The following CACNG7 variants were observed in gnomAD, a reference collection of about 807,000 sequenced individuals.
CACNG7 encodes calcium voltage-gated channel auxiliary subunit gamma 7.
CACNG7 carries 9 observed loss-of-function variants against 26.3 expected under a neutral mutation model. That is an observed-to-expected ratio of 0.34 (90% CI 0.21 to 0.60). CACNG7 has a LOEUF of 0.60. Ranked by LOEUF, CACNG7 falls within the 20% of genes least tolerant of loss-of-function variation. The pLI, the probability that CACNG7 is intolerant of heterozygous loss-of-function variation, is 0.81. For synonymous variants in CACNG7, 170 were observed against 157.0 expected (o/e 1.08, Z -0.62); for missense variants, 297 against 380.4 (o/e 0.78, Z 1.82).
At position 53,940,039 on chromosome 19, in the gene CACNG7, T is replaced by C. The variant is rs2069127940; in HGVS notation, c.425-1431T>C. On this transcript the variant is annotated intron_variant, in intron 4 of 5. Coordinates refer to ENST00000391767, the MANE Select transcript of CACNG7 (RefSeq NM_031896.5). This position sits in a 1 kb window ranked among gnomAD's most constrained non-coding sequence, Gnocchi z 4.1. The stretch of plus-strand genomic sequence containing the variant: ...GACAGTGGAAGGAATTTGGGCTTAT[T>C]CTGTGTGTGGCACACAGAATGTAGG... 6.6e-6 allele frequency among the ~76,000 whole-genome samples: 1 copy of C among 152,168 alleles called. No homozygotes were observed. Among genetic ancestry groups the C allele is most frequent in the Admixed American group, 6.5e-5 (1 of 15,268 alleles).
chr19:53,935,782 A>C lies in CACNG7; in HGVS notation c.425-5688A>C, dbSNP rs2069101598. On this transcript the variant is annotated intron_variant, in intron 4 of 5. Coordinates refer to ENST00000391767, the MANE Select transcript of CACNG7 (RefSeq NM_031896.5). ...CAGCCTCCCAAGTAGCTGGGATTACAGGCACCCACCACCATGCCCAGCTAA... is the reference window on the plus strand; with the variant it reads ...CAGCCTCCCAAGTAGCTGGGATTACCGGCACCCACCACCATGCCCAGCTAA... Among the ~76,000 whole-genome samples, 6 of 151,404 alleles carry C rather than the reference A, an allele frequency of 4.0e-5. No individual in the cohort carries two copies. In the South Asian group the frequency reaches 1.3e-3, roughly 32 times the overall value.
intron 4 of CACNG7, among the ~76,000 whole-genome samples, chr19:53,938,375 G>A (rs1436333072): frequency 6.6e-6 from 1 of 152,014 alleles, no homozygotes; most frequent in Admixed American, 6.6e-5. Context: ...AGAAAGTTAG[G>A]TGGTCTAAGA....
intron 4 of CACNG7, among the ~76,000 whole-genome samples, chr19:53,926,652 C>T (rs1240215259): frequency 6.6e-6 from 1 of 152,104 alleles, no homozygotes; most frequent in African/African-American, 2.4e-5. Context: ...GTGGCTCATG[C>T]CTGTAAGCCC....
intron 4 of CACNG7, among the ~76,000 whole-genome samples, chr19:53,928,483 C>G (rs984274245): frequency 1.3e-5 from 2 of 151,908 alleles, no homozygotes; most frequent in South Asian, 4.2e-4. Context: ...CCATGTTGGC[C>G]AGGCTGGTCT....
At chr19:53,916,346 CCAAGGCCCAGAA>C in intron 4 of CACNG7, among the ~76,000 whole-genome samples, 1 of 69,676 alleles carries the variant, frequency 1.4e-5, no homozygotes, top group East Asian at 2.9e-4. Flanking sequence ...CATGGGGGTA[CCAAGGCCCAGAA>C]TTGCATAGAG....
At chr19:53,931,803 C>T (rs2069074533) in intron 4 of CACNG7, among the ~76,000 whole-genome samples, 1 of 144,552 alleles carries the variant, frequency 6.9e-6, no homozygotes, top group Non-Finnish European at 1.5e-5. Flanking sequence ...GCTCTGTCGC[C>T]CAGGTTGGAG....
Position 53,914,566 on chromosome 19 carries a change from A to G in CACNG7, c.263A>G (p.Glu88Gly), listed in dbSNP as rs1263186170. 2.5e-6 allele frequency: 4 copies of G among 1,614,074 alleles called. No homozygotes were observed. The South Asian group carries it at 4.4e-5, about 18-fold the overall frequency. ...GAACCGGAGATCAATTTGGTGACGGAAAACACGGAGAATATTCTGAGTGAG... is the reference window on the plus strand; with the variant it reads ...GAACCGGAGATCAATTTGGTGACGGGAAACACGGAGAATATTCTGAGTGAG... ...FLEPEINLVTENTENILKTVR... is the reference protein window; with the variant it reads ...FLEPEINLVTGNTENILKTVR... The change falls in exon 3 of 6, where the codon GAA becomes GGA. Residue 88 changes from glutamate to glycine, a missense_variant. Physicochemically the swap from Glu to Gly is moderately conservative, Grantham distance 98. Transcript: ENST00000391767.
chr19:53,924,398 GC>G (rs1286343813), intron 4 of CACNG7, among the ~76,000 whole-genome samples: 2 of 147,206 alleles, frequency 1.4e-5, no homozygotes, highest in Middle Eastern at 4.0e-3. Context: ...TTGTCCCCAG[GC>G]CTGGTCATTG....
At chr19:53,925,150 G>A (rs2069016188) in intron 4 of CACNG7, among the ~76,000 whole-genome samples, 1 of 105,366 alleles carries the variant, frequency 9.5e-6, no homozygotes, top group Non-Finnish European at 1.9e-5. Context: ...GGTCATTGGT[G>A]GACTTGCCCC....
rs2068867363 is a variant in CACNG7 at position 53,912,492 on chromosome 19, C to T, written c.-29-311C>T. On this transcript the variant is annotated intron_variant, in intron 1 of 5. Coordinates refer to ENST00000391767, the MANE Select transcript of CACNG7 (RefSeq NM_031896.5). The surrounding 1 kb of genome is among the most constrained non-coding windows in gnomAD (Gnocchi z 4.6). ...ACCCAGGTCCAAACACGGTTGGAGC[C>T]AAGATTCAATCTCTGGGCCTGGGCT... is the stretch of plus-strand genomic sequence containing the variant. 6.6e-6 allele frequency among the ~76,000 whole-genome samples: 1 copy of T among 152,126 alleles called. No individual in the cohort carries two copies. Among genetic ancestry groups the T allele is most frequent in the African/African-American group, 2.4e-5 (1 of 41,414 alleles).
intron 3 of CACNG7, 50 bp downstream of exon 3, chr19:53,914,636 A>G (rs1353798534): frequency 1.3e-6 from 2 of 1,521,846 alleles, no homozygotes; most frequent in Admixed American, 3.3e-5. Context: ...ATCACAGCCG[A>G]GTCGTGGAGT....
chr19:53,919,578 G>C (rs540493783), intron 4 of CACNG7, among the ~76,000 whole-genome samples: 1 of 144,178 alleles, frequency 6.9e-6, no homozygotes, highest in South Asian at 2.2e-4. Flanking sequence ...GTCATTGGTG[G>C]ACTTGCCCCA....
At position 53,912,915 on chromosome 19, in the gene CACNG7, C is replaced by T. The variant is rs749306961; in HGVS notation, c.84C>T (p.Val28=). Residue 28 remains valine, a synonymous_variant, in exon 2 of 6, where the codon GTC becomes GTT. Coordinates refer to ENST00000391767, the MANE Select transcript of CACNG7 (RefSeq NM_031896.5). The surrounding 1 kb of genome is among the most constrained non-coding windows in gnomAD (Gnocchi z 4.6). The part of the protein sequence containing the change: ...ACGLLLVGIA[V]STDYWLYMEE... Reference sequence around the variant, plus strand: ...GCCTGCTCCTGGTAGGCATCGCGGTCAGCACTGACTACTGGCTGTACATGG... The same window carrying T: ...GCCTGCTCCTGGTAGGCATCGCGGTTAGCACTGACTACTGGCTGTACATGG... 1.2e-6 allele frequency: 2 copies of T among 1,614,108 alleles called. No homozygotes were observed. The highest frequency in any genetic ancestry group is 2.2e-5 in the East Asian group (1 of 44,872).
At chr19:53,923,043 G>C (rs2068977326) in intron 4 of CACNG7, among the ~76,000 whole-genome samples, 1 of 119,028 alleles carries the variant, frequency 8.4e-6, no homozygotes, top group African/African-American at 4.0e-5. Flanking sequence ...AGTTGTCCCA[G>C]GCCTGGTCAT....
chr19:53,924,154 C>G (rs982246743), intron 4 of CACNG7, among the ~76,000 whole-genome samples: 1 of 143,702 alleles, frequency 7.0e-6, no homozygotes, highest in African/African-American at 2.7e-5. Flanking sequence ...TGCCCCAGGT[C>G]TGGTCATTGG....
chr19:53,924,015 G>A (rs1314320952), intron 4 of CACNG7, among the ~76,000 whole-genome samples: 2 of 142,602 alleles, frequency 1.4e-5, no homozygotes, highest in Non-Finnish European at 3.0e-5. Flanking sequence ...TTGTCCCCAG[G>A]CCTGGTCATT....
Position 53,912,479 on chromosome 19 carries a change from A to G in CACNG7, c.-29-324A>G, listed in dbSNP as rs960132955. Among the ~76,000 whole-genome samples, 1 of 152,192 alleles carries G rather than the reference A, an allele frequency of 6.6e-6. No homozygotes were observed. Among genetic ancestry groups the G allele is most frequent in the Non-Finnish European group, 1.5e-5 (1 of 68,044 alleles). ...CACAGTATTTGGGACCCAGGTCCAA[A>G]CACGGTTGGAGCCAAGATTCAATCT... On this transcript the variant is annotated intron_variant, in intron 1 of 5. Coordinates refer to ENST00000391767, the MANE Select transcript of CACNG7 (RefSeq NM_031896.5). This position sits in a 1 kb window ranked among gnomAD's most constrained non-coding sequence, Gnocchi z 4.6.
Position 53,942,478 on chromosome 19 carries a change from G to T in CACNG7, c.*185G>T. 7.0e-7 allele frequency: 1 copy of T among 1,438,128 alleles called. No homozygotes were observed. Among genetic ancestry groups the T allele is most frequent in the Non-Finnish European group, 9.1e-7 (1 of 1,101,190 alleles). 89.1% of individuals were successfully genotyped at this position (1,438,128 alleles called of 1,614,324 possible). A position where few individuals can be genotyped will look rare whatever the true frequency, so the allele number is the denominator to read the frequency against. On this transcript the variant is annotated 3_prime_UTR_variant, in exon 6 of 6. Transcript: ENST00000391767. The surrounding 1 kb of genome is among the most constrained non-coding windows in gnomAD (Gnocchi z 5.9). ...CAGACTCCCTTATTTCAATGGCCGC[G>T]CCCTCTTTTCCCGACCTCTCCTTTT...
chr19:53,914,394 G>T, intron 2 of CACNG7, 106 bp from the exon 3 acceptor site: 2 of 838,948 alleles, frequency 2.4e-6, no homozygotes, highest in Non-Finnish European at 2.0e-6. Context: ...GTTAGGCCTT[G>T]CTCCCCCATC....
Sources: allele counts gnomAD v4.1 joint callset (sites outside exome capture counted in the v4.1 genomes callset), GRCh38; gene constraint gnomAD v4.1.1; non-coding constraint Gnocchi (gnomAD v3.1); transcripts MANE v1.5; gene names NCBI Gene and HGNC (gene_info 2026-07-23, HGNC 2026-07-21).